Variants in DLC1 observed in about 807,000 individuals in gnomAD.
DLC1 encodes the protein rho GTPase-activating protein 7.
A neutral mutation model predicts 140.3 loss-of-function variants in DLC1; 54 were observed. That is an observed-to-expected ratio of 0.38 (90% confidence interval 0.31 to 0.48). The LOEUF (loss-of-function observed/expected upper bound fraction) is 0.48. Among genes scored for constraint, DLC1 ranks in the 20% least tolerant of loss-of-function variants. DLC1 has a pLI of 0.96. For synonymous variants in DLC1, 986 were observed against 728.1 expected, an observed-to-expected ratio of 1.35 and a Z score of -5.70; for missense variants, 2,536 against 1,907.0, an observed-to-expected ratio of 1.33 and a Z score of -6.14.
At chr8:13,302,697 G>C (rs1729144) in intron 5 of DLC1, among the ~76,000 whole-genome samples, 133,571 of 147,824 alleles carry the variant, frequency 0.9, 60,635 homozygotes, top group Middle Eastern at 0.97. Flanking sequence ...AGGCTACATT[G>C]ATTTAGAAAG....
Position 13,401,349 on chromosome 8 carries a change from C to G in DLC1, c.1173+121G>C, listed in dbSNP as rs947794589. On this transcript the variant is annotated intron_variant, in intron 3 of 17. Transcript: ENST00000276297. Reference sequence around the variant, plus strand: ...AAGTATTTTGGTTATCTTTATGGTACTGTACTGGGGTTACATGTTGTTAGA... The same window carrying G: ...AAGTATTTTGGTTATCTTTATGGTAGTGTACTGGGGTTACATGTTGTTAGA... 68 of 1,258,360 alleles carry G rather than the reference C, an allele frequency of 5.4e-5. No homozygotes were observed. In the African/African-American group the frequency reaches 9.3e-4, roughly 17 times the overall value. The allele number at this position is 1,258,360 out of a possible 1,614,324, so 77.9% of individuals were successfully genotyped here.
At chr8:13,457,676 CAAAAAAA>C (rs34916262) in intron 2 of DLC1, among the ~76,000 whole-genome samples, 15 of 54,874 alleles carry the variant, frequency 2.7e-4, no homozygotes, top group African/African-American at 5.2e-4. Flanking sequence ...GACTCCATCT[CAAAAAAA>C]AAAAAAAAAA....
At chr8:13,112,069 T>C (rs192786023) in intron 6 of DLC1, among the ~76,000 whole-genome samples, 26 of 152,266 alleles carry the variant, frequency 1.7e-4, no homozygotes, top group South Asian at 1.0e-3. Context: ...GAAGATCACC[T>C]GAGCCCCAGA....
intron 2 of DLC1, among the ~76,000 whole-genome samples, chr8:13,461,620 T>G (rs1799662773): frequency 6.6e-6 from 1 of 152,244 alleles, no homozygotes; most frequent in Non-Finnish European, 1.5e-5. Context: ...ATTTATTTAC[T>G]ATTGGTTTAT....
At chr8:13,207,685 C>T (rs1827738806) in intron 5 of DLC1, among the ~76,000 whole-genome samples, 1 of 152,084 alleles carries the variant, frequency 6.6e-6, no homozygotes. Context: ...TTGGAGTGAT[C>T]TTTCTCCCTA....
chr8:13,284,827 T>G (rs1176696630), intron 5 of DLC1, among the ~76,000 whole-genome samples: 3 of 152,282 alleles, frequency 2.0e-5, no homozygotes, highest in African/African-American at 4.8e-5. Flanking sequence ...AATAAAATAT[T>G]TGTACAAAAA....
chr8:13,570,779 C>G (rs1464944239), intron 1 of DLC1, among the ~76,000 whole-genome samples: 1 of 152,148 alleles, frequency 6.6e-6, no homozygotes, highest in African/African-American at 2.4e-5. Flanking sequence ...ATTCAGCTCT[C>G]AAATTTTATT....
intron 2 of DLC1, among the ~76,000 whole-genome samples, chr8:13,416,649 T>A (rs1164180923): frequency 1.3e-5 from 2 of 152,088 alleles, no homozygotes; most frequent in Non-Finnish European, 1.5e-5. Flanking sequence ...AATAGGAAAA[T>A]GTTCAGATTC....
chr8:13,123,804 A>G (rs1384449218), intron 5 of DLC1, among the ~76,000 whole-genome samples: 1 of 152,214 alleles, frequency 6.6e-6, no homozygotes, highest in Non-Finnish European at 1.5e-5. Flanking sequence ...AGCACACAGT[A>G]GTTGCTCAAT....
At chr8:13,330,646 A>T (rs12549958) in intron 4 of DLC1, among the ~76,000 whole-genome samples, 55,578 of 152,088 alleles carry the variant, frequency 0.37, 11,333 homozygotes, top group Middle Eastern at 0.47. Flanking sequence ...TGGTCTCTGC[A>T]TCATGTTTCA....
At chr8:13,171,814 T>A (rs2116931018) in intron 5 of DLC1, among the ~76,000 whole-genome samples, 1 of 152,278 alleles carries the variant, frequency 6.6e-6, no homozygotes, top group Non-Finnish European at 1.5e-5. Context: ...TCAAAACCCT[T>A]GGGGACGTCA....
chr8:13,445,722 C>G (rs968394810), intron 2 of DLC1, among the ~76,000 whole-genome samples: 1 of 152,168 alleles, frequency 6.6e-6, no homozygotes, highest in African/African-American at 2.4e-5. Context: ...AGTACAACAG[C>G]TGTAGGAGAA....
chr8:13,439,159 A>C (rs1839250090), intron 2 of DLC1, among the ~76,000 whole-genome samples: 1 of 152,156 alleles, frequency 6.6e-6, no homozygotes, highest in East Asian at 1.9e-4. Context: ...TTCCGTCTCT[A>C]CTAAAAATAC....
At chr8:13,518,668 G>C (rs1346221098), upstream of DLC1, among the ~76,000 whole-genome samples, 1 of 152,172 alleles carries the variant, frequency 6.6e-6, no homozygotes, top group Non-Finnish European at 1.5e-5. Flanking sequence ...ATTATGCGTG[G>C]AAGTCAGCTT....
chr8:13,358,916 T>G (rs919729680), intron 4 of DLC1, among the ~76,000 whole-genome samples: 1 of 152,036 alleles, frequency 6.6e-6, no homozygotes, highest in Admixed American at 6.5e-5. Context: ...AATGCCTATT[T>G]TATTCTGCAA....
intron 1 of DLC1, among the ~76,000 whole-genome samples, chr8:13,599,729 A>G (rs570117085): frequency 2.0e-5 from 3 of 152,102 alleles, no homozygotes; most frequent in African/African-American, 7.2e-5. Flanking sequence ...ACTCTATCCA[A>G]ATGTATATAT....
intron 5 of DLC1, among the ~76,000 whole-genome samples, chr8:13,161,060 G>A (rs149022340): frequency 6.6e-6 from 1 of 152,320 alleles, no homozygotes; most frequent in African/African-American, 2.4e-5. Context: ...CAGCCTGGGC[G>A]ACAGAGCGAG....
At chr8:13,409,482 A>C (rs1837696856) in intron 2 of DLC1, among the ~76,000 whole-genome samples, 1 of 152,186 alleles carries the variant, frequency 6.6e-6, no homozygotes, top group Non-Finnish European at 1.5e-5. Flanking sequence ...AAAAAATAAT[A>C]AGTTTTTAGT....
Position 13,318,197 on chromosome 8 carries a change from ATT to A in DLC1, c.1315-12897_1315-12896del, listed in dbSNP as rs3988459. On this transcript the variant is annotated intron_variant, in intron 4 of 17. Transcript: ENST00000276297. ...GCACCACTACACTCAGCTAATTAAA[ATT>A]TTTTTTTTTTTTTTTTCAGAGAAGG... Among the ~76,000 whole-genome samples, 481 of 136,194 alleles carry A rather than the reference ATT, an allele frequency of 3.5e-3. 1 individual carries two copies. Among genetic ancestry groups the A allele is most frequent in the Middle Eastern group, 7.8e-3 (2 of 256 alleles). 89.3% of individuals were successfully genotyped at this position (136,194 alleles called of 152,430 possible).
Sources: allele counts gnomAD v4.1 joint callset (sites outside exome capture counted in the v4.1 genomes callset), GRCh38; gene constraint gnomAD v4.1.1; transcripts MANE v1.5; gene names NCBI Gene and HGNC (gene_info 2026-07-23, HGNC 2026-07-21).